SHTN1: variants seen among roughly 807,000 people sequenced by gnomAD.
The protein encoded by SHTN1 is shootin 1.
SHTN1 carries 42 observed loss-of-function variants against 83.1 expected under a neutral mutation model. That is an observed-to-expected ratio of 0.51 (90% CI 0.39 to 0.65). The LOEUF is 0.65. Ranked by LOEUF, SHTN1 falls within the 30% of genes least tolerant of loss-of-function variation. The pLI is 0.00. For synonymous variants in SHTN1, 224 were observed against 247.7 expected (o/e 0.90, Z 0.90); for missense variants, 622 against 737.8 (o/e 0.84, Z 1.82).
rs554549341 is a variant in SHTN1, at chr10:116,947,970, C to G, written c.616+946G>C. On this transcript the variant is annotated intron_variant, in intron 7 of 16. Transcript: ENST00000355371. ...CAAAAAAAATTCCCAGTTGATGAATCACAAAAAGATTGACAGCTACCACCA... is the reference window on the plus strand; with the variant it reads ...CAAAAAAAATTCCCAGTTGATGAATGACAAAAAGATTGACAGCTACCACCA... Among the ~76,000 whole-genome samples the G allele has an allele frequency of 7.4e-4, 112 of 152,272 alleles. 2 individuals are homozygous for G. The South Asian group carries it at 0.022, about 30-fold the overall frequency.
intron 1 of SHTN1, among the ~76,000 whole-genome samples, chr10:117,106,195 G>A (rs574550276): frequency 3.3e-5 from 5 of 152,212 alleles, no homozygotes; most frequent in East Asian, 1.9e-4. Context: ...CGTGGCTCAC[G>A]CCTGTAATCC....
At chr10:116,968,782 G>A (rs1456013627) in intron 2 of SHTN1, 70 bp from the exon 3 acceptor site, 4 of 1,217,092 alleles carry the variant, frequency 3.3e-6, no homozygotes, top group Non-Finnish European at 3.6e-6. Flanking sequence ...GCAAGCAAGA[G>A]CAAACTTATA....
intron 2 of SHTN1, among the ~76,000 whole-genome samples, chr10:117,047,935 C>T (rs1852690212): frequency 6.6e-6 from 1 of 150,742 alleles, no homozygotes; most frequent in African/African-American, 2.4e-5. Flanking sequence ...AAAGTCAGTT[C>T]AATTATGTAG....
chr10:117,012,271 A>T (rs1322555761), intron 2 of SHTN1, among the ~76,000 whole-genome samples: 1 of 152,196 alleles, frequency 6.6e-6, no homozygotes, highest in Admixed American at 6.5e-5. Flanking sequence ...TATTATGGAA[A>T]GGCAAAAAAC....
chr10:116,930,213 T>C (rs1411787039), intron 9 of SHTN1, among the ~76,000 whole-genome samples: 1 of 152,038 alleles, frequency 6.6e-6, no homozygotes, highest in African/African-American at 2.4e-5. Context: ...TACTGGGGAG[T>C]TACGTACCAG....
At position 117,068,316 on chromosome 10, in the gene SHTN1, G is replaced by A. The variant is rs150229475; in HGVS notation, c.-188-19806C>T. The stretch of plus-strand genomic sequence containing the variant: ...GAGGCAGGAGAATCGCTTGAACCCA[G>A]GAGGCAGAGGTTGCAGTGAGTTGGG... On this transcript the variant is annotated intron_variant, in intron 1 of 17. Coordinates refer to the SHTN1 transcript ENST00000392901. 4.7e-4 allele frequency among the ~76,000 whole-genome samples: 71 copies of A among 152,264 alleles called. No individual in the cohort carries two copies. The East Asian group carries it at 9.7e-3, about 21-fold the overall frequency.
chr10:117,024,654 G>A (rs1050590973), intron 2 of SHTN1, among the ~76,000 whole-genome samples: 46 of 151,888 alleles, frequency 3.0e-4, no homozygotes, highest in South Asian at 2.1e-4. Context: ...CACCGCGCCC[G>A]GCCTACATGT....
At chr10:116,991,186 A>T (rs990768801) in intron 1 of SHTN1, among the ~76,000 whole-genome samples, 1 of 149,226 alleles carries the variant, frequency 6.7e-6, no homozygotes, top group African/African-American at 2.4e-5. Context: ...ACTCCGTCTC[A>T]AAAAAGAAAA....
At chr10:116,921,281 G>A (rs1387142029) in intron 12 of SHTN1, among the ~76,000 whole-genome samples, 153 bp downstream of exon 12, 1 of 152,166 alleles carries the variant, frequency 6.6e-6, no homozygotes, top group East Asian at 1.9e-4. Flanking sequence ...ACTACAGGAA[G>A]GCAATGACGG....
intron 1 of SHTN1, among the ~76,000 whole-genome samples, chr10:117,081,067 C>G (rs1483802906): frequency 1.3e-5 from 2 of 151,868 alleles, no homozygotes; most frequent in Non-Finnish European, 2.9e-5. Flanking sequence ...ACTTCCAACA[C>G]TATGTTGAAT....
At chr10:116,998,237 A>G (rs1006178659) in intron 1 of SHTN1, among the ~76,000 whole-genome samples, 2 of 152,232 alleles carry the variant, frequency 1.3e-5, no homozygotes, top group African/African-American at 4.8e-5. Flanking sequence ...CAAATTTTGA[A>G]TTATAATCCA....
At chr10:116,916,957 G>T (rs1163548903) in intron 12 of SHTN1, among the ~76,000 whole-genome samples, 3 of 152,136 alleles carry the variant, frequency 2.0e-5, no homozygotes, top group African/African-American at 7.2e-5. Flanking sequence ...CTTTTGCCAA[G>T]CAACATGGGA....
chr10:116,987,687 T>G (rs1165675873), intron 1 of SHTN1, among the ~76,000 whole-genome samples: 1 of 151,994 alleles, frequency 6.6e-6, no homozygotes, highest in Non-Finnish European at 1.5e-5. Context: ...GAGGCCTTGG[T>G]GGGCGGATCA....
chr10:116,950,564 C>T (rs1354058810), intron 6 of SHTN1, among the ~76,000 whole-genome samples: 2 of 152,064 alleles, frequency 1.3e-5, no homozygotes, highest in Non-Finnish European at 2.9e-5. Context: ...AAGTGGGAAG[C>T]GAGAGAATCA....
chr10:116,906,223 C>G lies in SHTN1; in HGVS notation c.1480+404G>C, dbSNP rs74433477. 4.2e-3 allele frequency among the ~76,000 whole-genome samples: 637 copies of G among 152,306 alleles called. 4 individuals are homozygous for G. Among genetic ancestry groups the G allele is most frequent in the African/African-American group, 0.015 (626 of 41,576 alleles). ...TATTCTCATTATATAGATGAAGAAACTGAGGCACAAAGAGGTTCAGTAATT... is the reference window on the plus strand; with the variant it reads ...TATTCTCATTATATAGATGAAGAAAGTGAGGCACAAAGAGGTTCAGTAATT... On this transcript the variant is annotated intron_variant, in intron 15 of 16. Coordinates refer to ENST00000355371, the MANE Select transcript of SHTN1 (RefSeq NM_001127211.3).
chr10:116,891,484 C>A (rs921761179), intron 16 of SHTN1, among the ~76,000 whole-genome samples: 1 of 152,136 alleles, frequency 6.6e-6, no homozygotes, highest in Admixed American at 6.5e-5. Flanking sequence ...AAAACCGCAA[C>A]CATATTTACC....
At chr10:117,106,403 C>T (rs908225698) in intron 1 of SHTN1, among the ~76,000 whole-genome samples, 2 of 152,002 alleles carry the variant, frequency 1.3e-5, no homozygotes, top group African/African-American at 2.4e-5. Context: ...TGTAGTGAGC[C>T]GTGATTGCGC....
chr10:117,019,670 T>C (rs1036300423), intron 2 of SHTN1, among the ~76,000 whole-genome samples: 2 of 151,752 alleles, frequency 1.3e-5, no homozygotes, highest in African/African-American at 4.8e-5. Flanking sequence ...AGTGAGACCC[T>C]GTCTCTACGA....
chr10:117,003,982 C>T (rs1851913465), intron 1 of SHTN1, among the ~76,000 whole-genome samples: 1 of 152,282 alleles, frequency 6.6e-6, no homozygotes, highest in East Asian at 1.9e-4. Context: ...GCAACCTCCG[C>T]CTCCTGGCGA....
Sources: allele counts gnomAD v4.1 joint callset (sites outside exome capture counted in the v4.1 genomes callset), GRCh38; gene constraint gnomAD v4.1.1; transcripts MANE v1.5; gene names NCBI Gene and HGNC (gene_info 2026-07-23, HGNC 2026-07-21).